Variants in ADAMTS17 observed in about 807,000 individuals in gnomAD.
The protein encoded by ADAMTS17 is ADAM metallopeptidase with thrombospondin type 1 motif 17.
ADAMTS17 carries 113 observed loss-of-function variants against 141.5 expected under a neutral mutation model. The observed-to-expected ratio is 0.80, with a 90% confidence interval of 0.69 to 0.93. ADAMTS17 has a LOEUF of 0.93. ADAMTS17 is among the 40% of genes least tolerant of loss of function. The pLI, the probability that ADAMTS17 is intolerant of heterozygous loss-of-function variation, is 0.00. For missense variants in ADAMTS17, 1,659 were observed against 1,517.9 expected, an observed-to-expected ratio of 1.09 and a Z score of -1.54; for synonymous variants, 768 against 630.6, an observed-to-expected ratio of 1.22 and a Z score of -3.27.
intron 3 of ADAMTS17, among the ~76,000 whole-genome samples, chr15:100,304,436 G>A (rs766859842): frequency 1.4e-4 from 22 of 152,082 alleles, no homozygotes; most frequent in African/African-American, 1.9e-4. Flanking sequence ...AATTCATTCT[G>A]ACTACAACAC....
At chr15:100,081,558 G>C (rs1003801312) in intron 15 of ADAMTS17, among the ~76,000 whole-genome samples, 5 of 152,174 alleles carry the variant, frequency 3.3e-5, no homozygotes, top group African/African-American at 9.7e-5. Context: ...ATACTTCTAT[G>C]AATGGCTTTG....
chr15:100,078,204 A>G (rs2034506752), intron 15 of ADAMTS17, among the ~76,000 whole-genome samples: 1 of 147,554 alleles, frequency 6.8e-6, no homozygotes, highest in African/African-American at 2.7e-5. Context: ...ATCCCTATAA[A>G]AAAATCCCAG....
At chr15:100,187,049 A>C (rs2040743601) in intron 8 of ADAMTS17, among the ~76,000 whole-genome samples, 1 of 152,094 alleles carries the variant, frequency 6.6e-6, no homozygotes, top group Non-Finnish European at 1.5e-5. Context: ...ATCTGGACCG[A>C]GAGAGCCAGA....
At chr15:100,177,874 T>C (rs2040391908) in intron 8 of ADAMTS17, among the ~76,000 whole-genome samples, 1 of 152,196 alleles carries the variant, frequency 6.6e-6, no homozygotes, top group Non-Finnish European at 1.5e-5. Flanking sequence ...TGTTGTATCT[T>C]TTCTGGTGGG....
At chr15:100,130,144 C>G (rs1385530924) in intron 12 of ADAMTS17, among the ~76,000 whole-genome samples, 1 of 152,132 alleles carries the variant, frequency 6.6e-6, no homozygotes, top group African/African-American at 2.4e-5. Context: ...GTGAGCAGAT[C>G]ACATGAGGTC....
intron 12 of ADAMTS17, among the ~76,000 whole-genome samples, chr15:100,131,323 C>T (rs921860382): frequency 1.6e-5 from 2 of 126,402 alleles, no homozygotes; most frequent in Non-Finnish European, 3.2e-5. Context: ...ACCTATGGAA[C>T]AAACCTGCAC....
chr15:100,082,765 TC>T (rs1252870043), intron 15 of ADAMTS17, among the ~76,000 whole-genome samples: 14 of 87,426 alleles, frequency 1.6e-4, no homozygotes, highest in South Asian at 1.6e-3. Flanking sequence ...TTCTCGTTAG[TC>T]TTTTTTTTTT....
At chr15:100,300,901 A>G (rs1251357670) in intron 3 of ADAMTS17, among the ~76,000 whole-genome samples, 1 of 152,224 alleles carries the variant, frequency 6.6e-6, no homozygotes, top group Non-Finnish European at 1.5e-5. Context: ...TCTAAACCAC[A>G]ATAGCACATT....
At chr15:100,159,154 CAA>C (rs1351533952) in intron 8 of ADAMTS17, among the ~76,000 whole-genome samples, 3 of 152,140 alleles carry the variant, frequency 2.0e-5, no homozygotes, top group Admixed American at 6.5e-5. Flanking sequence ...CCAGAATCTC[CAA>C]GAGACATCAC....
intron 20 of ADAMTS17, chr15:99,976,542 T>C (rs957623897): frequency 1.2e-5 from 6 of 518,876 alleles, no homozygotes; most frequent in African/African-American, 1.9e-5. Context: ...CAAGATGTTA[T>C]GGAATACATG....
At chr15:100,079,570 T>C (rs1320193913) in intron 15 of ADAMTS17, among the ~76,000 whole-genome samples, 1 of 152,126 alleles carries the variant, frequency 6.6e-6, no homozygotes, top group South Asian at 2.1e-4. Flanking sequence ...CTACCAAGCA[T>C]GGGGTTTCTT....
At chr15:99,974,703 A>G in intron 21 of ADAMTS17, 141 bp from the exon 22 acceptor site, 1 of 1,148,194 alleles carries the variant, frequency 8.7e-7, no homozygotes, top group Non-Finnish European at 1.3e-6. Context: ...TGATTAGGCC[A>G]TGCCTCCTGC....
intron 12 of ADAMTS17, 59 bp from the exon 13 acceptor site, chr15:100,117,072 T>A: frequency 6.5e-7 from 1 of 1,537,158 alleles, no homozygotes; most frequent in Non-Finnish European, 8.8e-7. Flanking sequence ...GCAGGAGAGC[T>A]GTTTCCGTCT....
chr15:100,169,452 A>G (rs1391197351), intron 8 of ADAMTS17, among the ~76,000 whole-genome samples: 1 of 152,200 alleles, frequency 6.6e-6, no homozygotes, highest in Non-Finnish European at 1.5e-5. Flanking sequence ...CAATGTGAAA[A>G]TCACTACTCA....
Position 100,028,607 on chromosome 15 carries a change from A to T in ADAMTS17, c.2591+20250T>A, listed in dbSNP as rs1336481929. Reference sequence around the variant, plus strand: ...CCATTTATTTCTCTTAGCTCGCATCATTCTCATGACAGCCCTCTGAGGTAG... The same window carrying T: ...CCATTTATTTCTCTTAGCTCGCATCTTTCTCATGACAGCCCTCTGAGGTAG... On this transcript the variant is annotated intron_variant, in intron 18 of 21. Transcript: ENST00000268070. Among the ~76,000 whole-genome samples the T allele has an allele frequency of 2.0e-5, 3 of 152,242 alleles. No individual in the cohort carries two copies. The East Asian group carries it at 5.8e-4, about 29-fold the overall frequency.
At position 100,341,964 on chromosome 15, in the gene ADAMTS17, G is replaced by A; in HGVS notation, c.-65C>T. The A allele has an allele frequency of 3.3e-6, 5 of 1,533,392 alleles. No individual in the cohort carries two copies. The South Asian group carries it at 3.6e-5, about 11-fold the overall frequency. The allele number at this position is 1,533,392 out of a possible 1,614,324, so 95.0% of individuals were successfully genotyped here. Reference sequence around the variant, plus strand: ...AAGCAGGAGCGCGCTAGGCGGCGGCGCCAGCCGGAGTGAAGCCCTCCAGCC... The same window carrying A: ...AAGCAGGAGCGCGCTAGGCGGCGGCACCAGCCGGAGTGAAGCCCTCCAGCC... On this transcript the variant is annotated 5_prime_UTR_variant, in exon 1 of 22. Transcript: ENST00000268070.
At chr15:100,246,899 T>TTTATTTATTTA (rs2043005358) in intron 7 of ADAMTS17, among the ~76,000 whole-genome samples, 1 of 71,872 alleles carries the variant, frequency 1.4e-5, no homozygotes, top group African/African-American at 5.3e-5. Flanking sequence ...TTATTTATTT[T>TTTATTTATTTA]TTGAGACAAT....
In ADAMTS17 at chr15:99,997,596, G is replaced by A. The variant is rs765499241; in HGVS notation, c.2592-7C>T. 1.2e-6 allele frequency: 2 copies of A among 1,612,786 alleles called. No homozygotes were observed. The highest frequency in any genetic ancestry group is 2.2e-5 in the South Asian group (2 of 91,066). ...CCACGGGCCTGCCACCCACCTGCCA[G>A]ACGGGAGGAAAGAGAGAGAGAACGA... On this transcript the variant is annotated splice_region_variant and splice_polypyrimidine_tract_variant and intron_variant, in intron 18 of 21. Transcript: ENST00000268070. The surrounding 1 kb of genome is among the most constrained non-coding windows in gnomAD (Gnocchi z 4.7).
At chr15:100,138,321 C>A (rs183667245) in intron 10 of ADAMTS17, among the ~76,000 whole-genome samples, 4 of 152,108 alleles carry the variant, frequency 2.6e-5, no homozygotes, top group Non-Finnish European at 5.9e-5. Context: ...GCAGCAACAA[C>A]AAACAGAAGA....
Sources: gnomAD v4.1 joint callset for allele counts (sites outside exome capture counted in the v4.1 genomes callset) on GRCh38, gnomAD v4.1.1 for gene constraint, Gnocchi (gnomAD v3.1) non-coding constraint, MANE v1.5 for transcripts, NCBI Gene and HGNC (gene_info 2026-07-23, HGNC 2026-07-21) for gene names.